The following ENTREP2 variants were observed in gnomAD, a reference collection of about 807,000 sequenced individuals.
ENTREP2 encodes protein ENTREP2.
chr15:29,634,911 C>T, the ENTREP2 span, among the ~76,000 whole-genome samples: 1 of 152,174 alleles, frequency 6.6e-6, no homozygotes, highest in Non-Finnish European at 1.5e-5. Flanking sequence ...CCCCAGGGAC[C>T]ACCCTCCAAG....
chr15:29,444,182 G>GA, the ENTREP2 span, among the ~76,000 whole-genome samples: 4 of 34,972 alleles, frequency 1.1e-4, no homozygotes, highest in African/African-American at 3.9e-4. Context: ...AAGAAAGAAA[G>GA]AAAGAAAGAA....
chr15:29,232,288 C>T, the ENTREP2 span, among the ~76,000 whole-genome samples: 7 of 152,228 alleles, frequency 4.6e-5, no homozygotes, highest in South Asian at 1.2e-3. Context: ...AGTTTAAATT[C>T]GATCTATTTC....
the ENTREP2 span, among the ~76,000 whole-genome samples, chr15:29,158,881 T>C: frequency 4.4e-4 from 67 of 152,320 alleles, no homozygotes; most frequent in African/African-American, 1.4e-3. Flanking sequence ...TTTTAGATAC[T>C]TGGGCAAAGC....
At chr15:29,344,576 T>G in the ENTREP2 span, among the ~76,000 whole-genome samples, 1 of 152,170 alleles carries the variant, frequency 6.6e-6, no homozygotes, top group African/African-American at 2.4e-5. Flanking sequence ...CTCCAGTGAC[T>G]GCTGAGCTGG....
chr15:29,584,811 G>A, the ENTREP2 span, among the ~76,000 whole-genome samples: 1 of 152,166 alleles, frequency 6.6e-6, no homozygotes, highest in South Asian at 2.1e-4. Flanking sequence ...GATCTTCAGT[G>A]TTCACATACA....
chr15:29,356,333 G>A, the ENTREP2 span, among the ~76,000 whole-genome samples: 16 of 100,136 alleles, frequency 1.6e-4, no homozygotes, highest in African/African-American at 6.3e-4. Context: ...TTGAGACGGA[G>A]TCTCGCTCTG....
At chr15:29,117,896 GCA>G in the ENTREP2 span, 1 of 151,370 alleles carries the variant, frequency 6.6e-6, no homozygotes, top group South Asian at 2.1e-4. Context: ...GACAAGGAGG[GCA>G]CAGGTGTCTG....
the ENTREP2 span, among the ~76,000 whole-genome samples, chr15:29,278,634 C>T: frequency 2.0e-5 from 3 of 152,160 alleles, no homozygotes; most frequent in African/African-American, 7.2e-5. Flanking sequence ...TGCTACTTGC[C>T]ACCTCATACT....
At chr15:29,297,791 T>C in the ENTREP2 span, among the ~76,000 whole-genome samples, 2 of 152,256 alleles carry the variant, frequency 1.3e-5, no homozygotes, top group African/African-American at 4.8e-5. Context: ...ATGCGGGGTC[T>C]ACAGGTGAAA....
the ENTREP2 span, among the ~76,000 whole-genome samples, chr15:29,515,824 G>A: frequency 6.6e-6 from 1 of 152,144 alleles, no homozygotes; most frequent in African/African-American, 2.4e-5. Context: ...CATATCCCCA[G>A]GTGTGTGCCC....
the ENTREP2 span, among the ~76,000 whole-genome samples, chr15:29,346,457 T>G: frequency 8.0e-5 from 12 of 150,386 alleles, no homozygotes; most frequent in Non-Finnish European, 1.8e-4. Context: ...CCCAAGACAG[T>G]AGAAGAGAAG....
chr15:29,575,340 C>T, the ENTREP2 span, among the ~76,000 whole-genome samples: 51 of 152,278 alleles, frequency 3.3e-4, no homozygotes, highest in East Asian at 9.5e-3. Context: ...TTAAAACTCA[C>T]TTTCCCTTAA....
chr15:29,344,569 C>T, the ENTREP2 span, among the ~76,000 whole-genome samples: 1 of 152,248 alleles, frequency 6.6e-6, no homozygotes, highest in Admixed American at 6.5e-5. Flanking sequence ...TGGGCCACTC[C>T]AGTGACTGCT....
chr15:29,183,486 C>T, the ENTREP2 span, among the ~76,000 whole-genome samples: 2 of 152,148 alleles, frequency 1.3e-5, no homozygotes, highest in African/African-American at 2.4e-5. Flanking sequence ...CACATCACTC[C>T]GCATTCTAGC....
At chr15:29,191,837 C>T in the ENTREP2 span, among the ~76,000 whole-genome samples, 1 of 152,094 alleles carries the variant, frequency 6.6e-6, no homozygotes, top group African/African-American at 2.4e-5. Flanking sequence ...TCTCTTGGGC[C>T]CGGGAGTTTG....
chr15:29,669,610 G>T, the ENTREP2 span, among the ~76,000 whole-genome samples: 5 of 152,192 alleles, frequency 3.3e-5, no homozygotes, highest in Non-Finnish European at 7.3e-5. Context: ...CACATCCGAG[G>T]CTTATCCAGA....
chr15:29,270,659 A>G, the ENTREP2 span, among the ~76,000 whole-genome samples: 1 of 152,222 alleles, frequency 6.6e-6, no homozygotes, highest in Non-Finnish European at 1.5e-5. Flanking sequence ...TGAGGAAAAA[A>G]AAGAGAACAC....
At chr15:29,458,631 G>A in the ENTREP2 span, among the ~76,000 whole-genome samples, 37 of 152,082 alleles carry the variant, frequency 2.4e-4, no homozygotes, top group Middle Eastern at 3.2e-3. Flanking sequence ...TCATGGTCAC[G>A]CCTCCTCTGG....
chr15:29,200,137 C>T, the ENTREP2 span, among the ~76,000 whole-genome samples: 1 of 152,078 alleles, frequency 6.6e-6, no homozygotes, highest in African/African-American at 2.4e-5. Flanking sequence ...AAATTAATTC[C>T]TCCCATTTAA....
Sources: gnomAD v4.1 joint callset for allele counts (sites outside exome capture counted in the v4.1 genomes callset) on GRCh38, gnomAD v4.1.1 for gene constraint, MANE v1.5 for transcripts, NCBI Gene and HGNC (gene_info 2026-07-23, HGNC 2026-07-21) for gene names.